MMADHC: variants seen among roughly 807,000 people sequenced by gnomAD.
MMADHC encodes the protein cobalamin trafficking protein CblD.
Under a neutral mutation model 36.3 loss-of-function variants are expected in MMADHC, and 23 were observed. That is an observed-to-expected ratio of 0.63 (90% CI 0.46 to 0.90). The LOEUF (loss-of-function observed/expected upper bound fraction) is 0.90. Among genes scored for constraint, MMADHC ranks in the 40% least tolerant of loss-of-function variants. The pLI is 0.00. For missense variants in MMADHC, 330 were observed against 348.0 expected (o/e 0.95, Z 0.41); for synonymous variants, 97 against 116.1 (o/e 0.84, Z 1.06).
chr2:149,581,119 G>A (rs987137263), intron 3 of MMADHC, among the ~76,000 whole-genome samples: 6 of 152,156 alleles, frequency 3.9e-5, no homozygotes, highest in Non-Finnish European at 5.9e-5. Context: ...TTGGGCAGTG[G>A]ATTTGACCAT....
At position 149,576,538 on chromosome 2, in the gene MMADHC, T is replaced by C; in HGVS notation, c.377A>G (p.Asn126Ser). 2 of 1,607,340 alleles carry C rather than the reference T, an allele frequency of 1.2e-6. No individual in the cohort carries two copies. The highest frequency in any genetic ancestry group is 2.2e-5 in the East Asian group (1 of 44,772). The change falls in exon 5 of 8, where the codon AAT (asparagine) becomes AGT (serine). Residue 126 changes from asparagine to serine, a missense_variant. Coordinates refer to ENST00000303319, the MANE Select transcript of MMADHC (RefSeq NM_015702.3). ...MAQYVNEFQG[N>S]DAPVEQEINS... ...AATTTCTTGTTCAACAGGTGCATCATTACCCTAAGGGGAACAAGGATATAA... is the reference window on the plus strand; with the variant it reads ...AATTTCTTGTTCAACAGGTGCATCACTACCCTAAGGGGAACAAGGATATAA...
At chr2:149,574,314 CTTG>C in intron 6 of MMADHC, among the ~76,000 whole-genome samples, 1 of 152,094 alleles carries the variant, frequency 6.6e-6, no homozygotes, top group Non-Finnish European at 1.5e-5. Flanking sequence ...CTATAACTCC[CTTG>C]TTAATTAGTA....
Position 149,587,188 on chromosome 2 carries a change from A to C in MMADHC, c.-52-39T>G, listed in dbSNP as rs965834376. Reference sequence around the variant, plus strand: ...CAACAAAACAGACGAGTGATCGATTAAACTCTAACAACAGACAACTGAGGT... The same window carrying C: ...CAACAAAACAGACGAGTGATCGATTCAACTCTAACAACAGACAACTGAGGT... On this transcript the variant is annotated intron_variant, in intron 1 of 7. Coordinates refer to ENST00000303319, the MANE Select transcript of MMADHC (RefSeq NM_015702.3). 2.6e-5 allele frequency: 32 copies of C among 1,243,862 alleles called. No individual in the cohort carries two copies. The Admixed American group carries it at 5.2e-4, about 20-fold the overall frequency. The allele number at this position is 1,243,862 out of a possible 1,614,324, so 77.1% of individuals were successfully genotyped here. A position where few individuals can be genotyped will look rare whatever the true frequency, so the allele number is the denominator to read the frequency against.
chr2:149,574,429 C>T lies in MMADHC; in HGVS notation c.609+1282G>A, dbSNP rs1303042223. On this transcript the variant is annotated intron_variant, in intron 6 of 7. Transcript: ENST00000303319. ...ATAATATTGTTGAATATGTAAATTA[C>T]AATATACTTTTACAAATAAAGACCA... Among the ~76,000 whole-genome samples, 6 of 152,030 alleles carry T rather than the reference C, an allele frequency of 3.9e-5. No homozygotes were observed. In the East Asian group the frequency reaches 1.2e-3, roughly 29 times the overall value.
chr2:149,582,624 G>T (rs1283794858), intron 2 of MMADHC, among the ~76,000 whole-genome samples: 2 of 152,046 alleles, frequency 1.3e-5, no homozygotes, highest in East Asian at 3.9e-4. Context: ...CCTCAATAAA[G>T]AACTCTCAAG....
intron 2 of MMADHC, among the ~76,000 whole-genome samples, chr2:149,585,161 A>G (rs1682850193): frequency 6.6e-6 from 1 of 152,252 alleles, no homozygotes; most frequent in Non-Finnish European, 1.5e-5. Flanking sequence ...GCTGGTGAAC[A>G]TAATTAAAAA....
intron 2 of MMADHC, among the ~76,000 whole-genome samples, chr2:149,583,040 A>G (rs899333025): frequency 2.6e-4 from 39 of 152,190 alleles, no homozygotes; most frequent in Admixed American, 2.6e-3. Context: ...TCACTTTCCC[A>G]CGACAATGGC....
chr2:149,570,775 C>T (rs752050608), intron 7 of MMADHC, among the ~76,000 whole-genome samples: 1 of 152,018 alleles, frequency 6.6e-6, no homozygotes, highest in East Asian at 1.9e-4. Context: ...CTAGACTGTA[C>T]CAATTTATAA....
rs1558850498 is a variant in MMADHC at position 149,587,112 on chromosome 2, AT to A, written c.-16del. 1 of 1,613,588 alleles carries A rather than the reference AT, an allele frequency of 6.2e-7. No homozygotes were observed. Among genetic ancestry groups the A allele is most frequent in the Admixed American group, 1.7e-5 (1 of 60,032 alleles). Reference sequence around the variant, plus strand: ...ACATTGGCCATCTCCGCTGGAGAAGATAGTTCGCAAAATAGCTTTCCTTTGG... The same window carrying A: ...ACATTGGCCATCTCCGCTGGAGAAGAAGTTCGCAAAATAGCTTTCCTTTGG... On this transcript the variant is annotated 5_prime_UTR_variant, in exon 2 of 8. Coordinates refer to ENST00000303319, the MANE Select transcript of MMADHC (RefSeq NM_015702.3).
At chr2:149,572,575 A>C (rs1350955928) in intron 6 of MMADHC, among the ~76,000 whole-genome samples, 1 of 152,130 alleles carries the variant, frequency 6.6e-6, no homozygotes, top group Non-Finnish European at 1.5e-5. Context: ...CAGGGCAAAG[A>C]ACTAGAGCCC....
At position 149,575,805 on chromosome 2, in the gene MMADHC, T is replaced by C. The variant is rs147318949; in HGVS notation, c.515A>G (p.Lys172Arg). The C allele has an allele frequency of 2.5e-6, 4 of 1,605,696 alleles. No individual in the cohort carries two copies. In the East Asian group the frequency reaches 6.7e-5, roughly 27 times the overall value. ...ESLFPEVANGKLMILTVTQKT... is the reference protein window; with the variant it reads ...ESLFPEVANGRLMILTVTQKT... Reference sequence around the variant, plus strand: ...TTGTGTTACAGTCAGAATCATTAGTTTGCCATTAGCTACTTCTGGAAACAG... The same window carrying C: ...TTGTGTTACAGTCAGAATCATTAGTCTGCCATTAGCTACTTCTGGAAACAG... The change falls in exon 6 of 8, where the codon AAA becomes AGA. Residue 172 changes from lysine to arginine, a missense_variant. By Grantham distance (26) the Lys-to-Arg change is conservative. Coordinates refer to ENST00000303319, the MANE Select transcript of MMADHC (RefSeq NM_015702.3).
intron 4 of MMADHC, among the ~76,000 whole-genome samples, chr2:149,576,785 A>G (rs1682725126): frequency 6.6e-6 from 1 of 152,218 alleles, no homozygotes; most frequent in African/African-American, 2.4e-5. Flanking sequence ...ATATACTGAT[A>G]TTCTAAAACT....
At chr2:149,584,591 CA>C (rs1218933700) in intron 2 of MMADHC, among the ~76,000 whole-genome samples, 22 of 152,054 alleles carry the variant, frequency 1.4e-4, no homozygotes, top group Admixed American at 1.2e-3. Flanking sequence ...GAACTTTTAA[CA>C]AAAGTTATAT....
intron 1 of MMADHC, 168 bp downstream of exon 1, chr2:149,587,496 C>T: frequency 3.6e-6 from 1 of 279,064 alleles, no homozygotes; most frequent in Non-Finnish European, 6.9e-6. Flanking sequence ...CCAAGCAAAG[C>T]TTCAGGCTGA....
intron 2 of MMADHC, among the ~76,000 whole-genome samples, chr2:149,586,392 C>T (rs1050325660): frequency 1.3e-5 from 2 of 152,014 alleles, no homozygotes; most frequent in Non-Finnish European, 2.9e-5. Flanking sequence ...TTGAATATAC[C>T]TTCCTGTCCT....
chr2:149,579,042 G>A (rs1340710161), intron 4 of MMADHC, among the ~76,000 whole-genome samples: 10 of 145,004 alleles, frequency 6.9e-5, no homozygotes, highest in African/African-American at 2.6e-4. Context: ...TTTTTCTTAA[G>A]CTTTTAAATG....
At chr2:149,570,513 A>G (rs1262144755) in intron 7 of MMADHC, among the ~76,000 whole-genome samples, 1 of 152,224 alleles carries the variant, frequency 6.6e-6, no homozygotes, top group African/African-American at 2.4e-5. Flanking sequence ...TTTCTCGATT[A>G]TATCTTATTT....
chr2:149,570,171 G>A lies in MMADHC; in HGVS notation c.697-3C>T, dbSNP rs770272562. ...TTGTTTGTATATGGTCCAAAAAACT[G>A]AGGAAATAAAAACGAAATATTCTCA... On this transcript the variant is annotated splice_polypyrimidine_tract_variant and splice_region_variant and intron_variant, in intron 7 of 7. Coordinates refer to ENST00000303319, the MANE Select transcript of MMADHC (RefSeq NM_015702.3). 7 of 1,611,762 alleles carry A rather than the reference G, an allele frequency of 4.3e-6. No individual in the cohort carries two copies. The East Asian group carries it at 1.1e-4, about 26-fold the overall frequency.
At chr2:149,586,673 A>T (rs181179808) in intron 2 of MMADHC, among the ~76,000 whole-genome samples, 2 of 152,316 alleles carry the variant, frequency 1.3e-5, no homozygotes, top group African/African-American at 4.8e-5. Context: ...GTGTGAGAGT[A>T]TCTCCTATTC....
Sources: allele counts gnomAD v4.1 joint callset (sites outside exome capture counted in the v4.1 genomes callset), GRCh38; gene constraint gnomAD v4.1.1; transcripts MANE v1.5; gene names NCBI Gene and HGNC (gene_info 2026-07-23, HGNC 2026-07-21).